The following PCDHGB7 variants were observed in gnomAD, a reference collection of about 807,000 sequenced individuals.
PCDHGB7 encodes the protein protocadherin gamma subfamily B, 7.
Under a neutral mutation model 61.4 loss-of-function variants are expected in PCDHGB7, and 37 were observed. The ratio of observed to expected loss-of-function variants is 0.60; its 90% CI spans 0.46 to 0.79. PCDHGB7 has a LOEUF of 0.79. Ranked by LOEUF, PCDHGB7 falls within the 30% of genes least tolerant of loss-of-function variation. PCDHGB7 has a pLI of 0.00. For missense variants in PCDHGB7, 1,166 were observed against 1,202.5 expected (o/e 0.97, Z 0.45); for synonymous variants, 464 against 503.5 (o/e 0.92, Z 1.05).
intron 1 of PCDHGB7, among the ~76,000 whole-genome samples, chr5:141,444,473 G>A (rs943971075): frequency 2.6e-5 from 4 of 151,972 alleles, no homozygotes; most frequent in Admixed American, 6.6e-5. Flanking sequence ...GCCCGGTCGC[G>A]TACTGGATTT....
At chr5:141,448,150 C>T (rs1182411283) in intron 1 of PCDHGB7, among the ~76,000 whole-genome samples, 4 of 151,924 alleles carry the variant, frequency 2.6e-5, no homozygotes, top group Non-Finnish European at 5.9e-5. Flanking sequence ...CTCAGACTCA[C>T]CCCTGAAAGA....
intron 1 of PCDHGB7, chr5:141,421,581 C>T (rs2096585155): frequency 2.5e-6 from 4 of 1,613,712 alleles, no homozygotes; most frequent in Admixed American, 1.7e-5. Flanking sequence ...TGAAGATTTA[C>T]GGAGTGGAGG....
rs2096361200 is a variant in PCDHGB7 at position 141,419,330 on chromosome 5, C to G, written c.1471C>G (p.Leu491Val). The G allele has an allele frequency of 1.9e-6, 3 of 1,613,958 alleles. No individual in the cohort carries two copies. Among genetic ancestry groups the G allele is most frequent in the Non-Finnish European group, 2.5e-6 (3 of 1,179,908 alleles). The change falls in exon 1 of 4, where the codon CTC (leucine) becomes GTC (valine). Residue 491 changes from leucine (L) to valine (V), a missense_variant. Physicochemically the swap from Leu to Val is conservative, Grantham distance 32. Coordinates refer to ENST00000398594, the MANE Select transcript of PCDHGB7 (RefSeq NM_018927.4). ...FGLNGRVSYS[L>V]IASDLESRTL... ...GCTCAACGGCCGTGTCTCCTACTCT[C>G]TCATTGCCAGCGACCTGGAGTCACG...
rs761202330 is a variant in PCDHGB7 at position 141,489,878 on chromosome 5, C to T, written c.2416-4929C>T. 1.1e-5 allele frequency: 17 copies of T among 1,614,116 alleles called. No individual in the cohort carries two copies. In the East Asian group the frequency reaches 3.6e-4, roughly 34 times the overall value. On this transcript the variant is annotated intron_variant, in intron 1 of 3. Transcript: ENST00000398594. This position sits in a 1 kb window ranked among gnomAD's most constrained non-coding sequence, Gnocchi z 4.5. ...CAGGCAAGACATCAGCTGGTGCTTA[C>T]TGCTGTGGATGGGGGGACCCCAGCC... is the stretch of plus-strand genomic sequence containing the variant.
At position 141,471,055 on chromosome 5, in the gene PCDHGB7, T is replaced by C. The variant is rs1229791864; in HGVS notation, c.2416-23752T>C. Reference sequence around the variant, plus strand: ...AACAAGCCCAAGCCCTCTTTTTTTTTTTTTTTTTTTTGAGACAGGGTCTCC... The same window carrying C: ...AACAAGCCCAAGCCCTCTTTTTTTTCTTTTTTTTTTTGAGACAGGGTCTCC... On this transcript the variant is annotated intron_variant, in intron 1 of 3. Coordinates refer to ENST00000398594, the MANE Select transcript of PCDHGB7 (RefSeq NM_018927.4). Among the ~76,000 whole-genome samples the C allele has an allele frequency of 1.7e-4, 25 of 148,764 alleles. 2 individuals are homozygous for C. The Admixed American group carries it at 1.7e-3, about 10-fold the overall frequency.
intron 1 of PCDHGB7, among the ~76,000 whole-genome samples, chr5:141,488,854 A>G (rs923370040): frequency 1.3e-5 from 2 of 152,226 alleles, no homozygotes; most frequent in Admixed American, 1.3e-4. Context: ...AACCTGCAGC[A>G]CGAAGTGAGT....
intron 1 of PCDHGB7, chr5:141,421,126 T>G: frequency 1.2e-6 from 1 of 805,588 alleles, no homozygotes; most frequent in Non-Finnish European, 1.9e-6. Context: ...CTTCGCTTTC[T>G]GATATATTTT....
intron 1 of PCDHGB7, chr5:141,428,219 T>C (rs749413221): frequency 8.4e-7 from 1 of 1,195,778 alleles, no homozygotes. Context: ...CACCTAGTCT[T>C]CGCAGACAGC....
At chr5:141,435,919 T>C (rs2097786247) in intron 1 of PCDHGB7, among the ~76,000 whole-genome samples, 2 of 152,148 alleles carry the variant, frequency 1.3e-5, no homozygotes, top group South Asian at 4.1e-4. Flanking sequence ...GGCTCTAAAA[T>C]GCGGCAGTTG....
In PCDHGB7 at chr5:141,485,910, G is replaced by C. The variant is rs142273728; in HGVS notation, c.2416-8897G>C. On this transcript the variant is annotated intron_variant, in intron 1 of 3. Transcript: ENST00000398594. The surrounding 1 kb of genome is among the most constrained non-coding windows in gnomAD (Gnocchi z 5.7). ...AACGCCCCAGCCTTCCAGCAATCCAGCTACAGGATTAGTGTGTTGGAGAGC... is the reference window on the plus strand; with the variant it reads ...AACGCCCCAGCCTTCCAGCAATCCACCTACAGGATTAGTGTGTTGGAGAGC... The C allele has an allele frequency of 1.2e-6, 2 of 1,614,078 alleles. No homozygotes were observed. Among genetic ancestry groups the C allele is most frequent in the African/African-American group, 2.7e-5 (2 of 74,932 alleles).
chr5:141,428,156 C>G, intron 1 of PCDHGB7: 2 of 1,579,884 alleles, frequency 1.3e-6, no homozygotes, highest in Non-Finnish European at 1.7e-6. Flanking sequence ...CGGGAACCTG[C>G]TGGTTGCTGT....
chr5:141,460,961 ATG>A (rs35821115), intron 1 of PCDHGB7, among the ~76,000 whole-genome samples: 22,194 of 144,260 alleles, frequency 0.15, 1,877 homozygotes, highest in South Asian at 0.27. Context: ...GTATATATAT[ATG>A]TGTGTGTGTG....
At chr5:141,464,156 T>C (rs2099077051) in intron 1 of PCDHGB7, among the ~76,000 whole-genome samples, 2 of 151,752 alleles carry the variant, frequency 1.3e-5, no homozygotes, top group Non-Finnish European at 1.5e-5. Context: ...TCCCAGCTAC[T>C]TGGAAGGCTG....
At chr5:141,425,745 G>A (rs776065455) in intron 1 of PCDHGB7, among the ~76,000 whole-genome samples, 26 of 152,100 alleles carry the variant, frequency 1.7e-4, no homozygotes, top group Non-Finnish European at 2.9e-4. Flanking sequence ...TTCCCACAAG[G>A]TTTTTGTTCT....
In PCDHGB7 at chr5:141,432,085, G is replaced by A. The variant is rs144065251; in HGVS notation, c.2415+11811G>A. 2.2e-4 allele frequency: 353 copies of A among 1,614,164 alleles called. 1 individual carries two copies. The African/African-American group carries it at 4.2e-3, about 19-fold the overall frequency. ...CGGAAACTCATATCTCGCTGAACGT[G>A]GCAGACACCAACGACAACCCGCCGG... On this transcript the variant is annotated intron_variant, in intron 1 of 3. Transcript: ENST00000398594. This position sits in a 1 kb window ranked among gnomAD's most constrained non-coding sequence, Gnocchi z 6.0.
chr5:141,488,437 C>A (rs1327345486), intron 1 of PCDHGB7, among the ~76,000 whole-genome samples: 2 of 152,210 alleles, frequency 1.3e-5, no homozygotes, highest in Non-Finnish European at 2.9e-5. Context: ...CCTCTGACCA[C>A]CCTCCTGGGT....
Position 141,477,187 on chromosome 5 carries a change from G to A in PCDHGB7, c.2416-17620G>A, listed in dbSNP as rs2154575648. ...CCCCGGAGATCACAGTCACCTCCGT[G>A]TACAGCCCAGTACCCGAGGATGCCC... On this transcript the variant is annotated intron_variant, in intron 1 of 3. Coordinates refer to ENST00000398594, the MANE Select transcript of PCDHGB7 (RefSeq NM_018927.4). The surrounding 1 kb of genome is among the most constrained non-coding windows in gnomAD (Gnocchi z 4.9). The A allele has an allele frequency of 6.2e-7, 1 of 1,614,190 alleles. No individual in the cohort carries two copies. The highest frequency in any genetic ancestry group is 2.2e-5 in the East Asian group (1 of 44,874).
At chr5:141,509,081 A>G (rs1279221589) in intron 3 of PCDHGB7, among the ~76,000 whole-genome samples, 1 of 152,160 alleles carries the variant, frequency 6.6e-6, no homozygotes, top group African/African-American at 2.4e-5. Flanking sequence ...GATTTGCGAC[A>G]TGAAATGGGG....
At position 141,431,783 on chromosome 5, in the gene PCDHGB7, G is replaced by T; in HGVS notation, c.2415+11509G>T. 2 of 1,614,174 alleles carry T rather than the reference G, an allele frequency of 1.2e-6. No homozygotes were observed. Among genetic ancestry groups the T allele is most frequent in the East Asian group, 2.2e-5 (1 of 44,878 alleles). On this transcript the variant is annotated intron_variant, in intron 1 of 3. Transcript: ENST00000398594. The surrounding 1 kb of genome is among the most constrained non-coding windows in gnomAD (Gnocchi z 4.8). Reference sequence around the variant, plus strand: ...CCTGATCACTGTTCTGGACGTGAACGACAATGCCCCAGAAGTGGTCCTCAC... The same window carrying T: ...CCTGATCACTGTTCTGGACGTGAACTACAATGCCCCAGAAGTGGTCCTCAC...
Sources: gnomAD v4.1 joint callset for allele counts (sites outside exome capture counted in the v4.1 genomes callset) on GRCh38, gnomAD v4.1.1 for gene constraint, Gnocchi (gnomAD v3.1) non-coding constraint, MANE v1.5 for transcripts, NCBI Gene and HGNC (gene_info 2026-07-23, HGNC 2026-07-21) for gene names.